The following ADCY9 variants were observed in gnomAD, a reference collection of about 807,000 sequenced individuals.
ADCY9 encodes adenylate cyclase type 9.
A neutral mutation model predicts 101.5 loss-of-function variants in ADCY9; 50 were observed. That is an observed-to-expected ratio of 0.49 (90% CI 0.39 to 0.62). The LOEUF (loss-of-function observed/expected upper bound fraction) is 0.62, where lower values mean the gene tolerates loss of function less well. Ranked by LOEUF, ADCY9 falls within the 20% of genes least tolerant of loss-of-function variation. The pLI, the probability that ADCY9 is intolerant of heterozygous loss-of-function variation, is 0.00. For missense variants in ADCY9, 1,662 were observed against 1,800.4 expected (o/e 0.92, Z 1.39); for synonymous variants, 905 against 769.3 (o/e 1.18, Z -2.92).
chr16:3,980,056 C>T (rs1227706882), intron 7 of ADCY9, among the ~76,000 whole-genome samples: 2 of 152,278 alleles, frequency 1.3e-5, no homozygotes, highest in Non-Finnish European at 2.9e-5. Flanking sequence ...CAAACCCGCA[C>T]ACGCGTGCCG....
chr16:4,028,440 T>A (rs2056532279), intron 2 of ADCY9, among the ~76,000 whole-genome samples: 1 of 152,178 alleles, frequency 6.6e-6, no homozygotes, highest in Non-Finnish European at 1.5e-5. Flanking sequence ...AAATACTTGA[T>A]CTGTGCTACA....
chr16:3,967,536 T>A (rs1319512824), intron 10 of ADCY9, among the ~76,000 whole-genome samples: 1 of 151,704 alleles, frequency 6.6e-6, no homozygotes, highest in African/African-American at 2.4e-5. Flanking sequence ...ATTACACGCA[T>A]GTACCACCAC....
intron 2 of ADCY9, among the ~76,000 whole-genome samples, chr16:4,086,081 G>A (rs902792257): frequency 6.6e-6 from 1 of 152,032 alleles, no homozygotes; most frequent in Non-Finnish European, 1.5e-5. Flanking sequence ...ACGGCCGCGC[G>A]GAGAGCACCA....
chr16:4,096,025 C>G (rs1367846834), intron 2 of ADCY9, among the ~76,000 whole-genome samples: 1 of 151,352 alleles, frequency 6.6e-6, no homozygotes, highest in East Asian at 1.9e-4. Flanking sequence ...TAACGATACC[C>G]TGCTTTATTC....
chr16:4,002,515 T>C (rs1357083583), intron 3 of ADCY9, among the ~76,000 whole-genome samples: 1 of 152,146 alleles, frequency 6.6e-6, no homozygotes, highest in Non-Finnish European at 1.5e-5. Context: ...TCTACATCAC[T>C]AGCTTCATTA....
intron 2 of ADCY9, among the ~76,000 whole-genome samples, chr16:4,027,545 AAGAG>A (rs946667036): frequency 2.6e-5 from 4 of 152,198 alleles, no homozygotes; most frequent in Admixed American, 6.5e-5. Context: ...GACGGCAGGG[AAGAG>A]AGAGAGTGTG....
chr16:4,115,480 C>A lies in ADCY9; in HGVS notation c.-38G>T. 6.8e-7 allele frequency: 1 copy of A among 1,480,944 alleles called. No homozygotes were observed. The highest frequency in any genetic ancestry group is 9.0e-7 in the Non-Finnish European group (1 of 1,116,428). 91.7% of individuals were successfully genotyped at this position (1,480,944 alleles called of 1,614,324 possible). ...CGGGGCCTGCCCCGGCCGGGGTCAC[C>A]AGTACCTGCCAGCAAAACGGGGAGA... is the stretch of plus-strand genomic sequence containing the variant. On this transcript the variant is annotated 5_prime_UTR_variant, in exon 2 of 11. Coordinates refer to ENST00000294016, the MANE Select transcript of ADCY9 (RefSeq NM_001116.4). This position sits in a 1 kb window ranked among gnomAD's most constrained non-coding sequence, Gnocchi z 6.2.
At chr16:3,976,457 T>TC (rs2056093272) in intron 9 of ADCY9, among the ~76,000 whole-genome samples, 1 of 152,134 alleles carries the variant, frequency 6.6e-6, no homozygotes, top group South Asian at 2.1e-4. Flanking sequence ...ACTGGGCTTG[T>TC]CCCCAGAGGT....
chr16:4,073,398 C>CTT (rs35147648), intron 2 of ADCY9, among the ~76,000 whole-genome samples: 3 of 141,704 alleles, frequency 2.1e-5, no homozygotes, highest in African/African-American at 2.6e-5. Context: ...TCTTTAAAAA[C>CTT]TTTTTTTTTT....
At chr16:3,954,611 A>G (rs1228524624) in intron 5 of ADCY9, among the ~76,000 whole-genome samples, 3 of 152,186 alleles carry the variant, frequency 2.0e-5, no homozygotes, top group Admixed American at 2.0e-4. Context: ...GAAACGGAAC[A>G]CGAGGTTCAC....
intron 2 of ADCY9, among the ~76,000 whole-genome samples, chr16:4,089,556 TG>T (rs2056960563): frequency 6.6e-6 from 1 of 152,014 alleles, no homozygotes; most frequent in South Asian, 2.1e-4. Context: ...AGTTTTTGTG[TG>T]GATGTGTGTT....
In ADCY9 at chr16:3,985,456, C is replaced by A. The variant is rs369543809; in HGVS notation, c.2311-2016G>T. 5.8e-4 allele frequency among the ~76,000 whole-genome samples: 88 copies of A among 152,220 alleles called. 3 individuals carry two copies. The South Asian group carries it at 0.018, about 31-fold the overall frequency. ...CGGCCAGGTGTAGGAATTTCAGGGGCGACACTGCCCATGCCCACTCACCTT... is the reference window on the plus strand; with the variant it reads ...CGGCCAGGTGTAGGAATTTCAGGGGAGACACTGCCCATGCCCACTCACCTT... On this transcript the variant is annotated intron_variant, in intron 6 of 10. Coordinates refer to ENST00000294016, the MANE Select transcript of ADCY9 (RefSeq NM_001116.4).
chr16:4,026,507 A>T (rs997145500), intron 2 of ADCY9, among the ~76,000 whole-genome samples: 5 of 152,152 alleles, frequency 3.3e-5, no homozygotes, highest in African/African-American at 9.7e-5. Flanking sequence ...CCCTAGAGAA[A>T]TCAAACCTTA....
At chr16:4,088,467 T>C (rs1193232105) in intron 2 of ADCY9, among the ~76,000 whole-genome samples, 2 of 152,078 alleles carry the variant, frequency 1.3e-5, no homozygotes, top group Non-Finnish European at 2.9e-5. Flanking sequence ...AGTTTTTGCA[T>C]TTTGCAGCGA....
intron 10 of ADCY9, among the ~76,000 whole-genome samples, chr16:3,970,488 G>A (rs1257982448): frequency 1.3e-5 from 2 of 151,996 alleles, no homozygotes; most frequent in African/African-American, 4.8e-5. Context: ...CACCATACTT[G>A]GCTAATTTTT....
chr16:3,969,584 ATATATATATATATATATATATATATG>A (rs1428985423), intron 10 of ADCY9, among the ~76,000 whole-genome samples: 9 of 77,768 alleles, frequency 1.2e-4, no homozygotes, highest in African/African-American at 2.0e-4. Flanking sequence ...ATATATATAT[ATATATATATATATATATATATATATG>A]TATTTTTTTT....
At position 3,988,886 on chromosome 16, in the gene ADCY9, T is replaced by C. The variant is rs575693959; in HGVS notation, c.2310+108A>G. 2.8e-5 allele frequency: 23 copies of C among 833,480 alleles called. 1 individual carries two copies. In the African/African-American group the frequency reaches 3.4e-4, roughly 12 times the overall value. 51.6% of individuals were successfully genotyped at this position (833,480 alleles called of 1,614,324 possible). On this transcript the variant is annotated intron_variant, in intron 6 of 10. Transcript: ENST00000294016. ...TTTACAGAGTGTGGGAAATCAATGTTCGCCTTCGTGTTCCCATCCCTTGGT... is the reference window on the plus strand; with the variant it reads ...TTTACAGAGTGTGGGAAATCAATGTCCGCCTTCGTGTTCCCATCCCTTGGT...
At chr16:3,960,965 C>T (rs543013341), downstream of ADCY9, among the ~76,000 whole-genome samples, 75 of 152,096 alleles carry the variant, frequency 4.9e-4, no homozygotes, top group African/African-American at 1.6e-3. Flanking sequence ...TCCCAGTACG[C>T]GGGATCTATT....
At chr16:3,974,777 G>T in intron 9 of ADCY9, 67 bp from the exon 10 acceptor site, 1 of 1,295,788 alleles carries the variant, frequency 7.7e-7, no homozygotes, top group South Asian at 1.2e-5. Context: ...GGCAACCTGA[G>T]AAGAGCTTGA....
Sources: allele counts gnomAD v4.1 joint callset (sites outside exome capture counted in the v4.1 genomes callset), GRCh38; gene constraint gnomAD v4.1.1; non-coding constraint Gnocchi (gnomAD v3.1); transcripts MANE v1.5; gene names NCBI Gene and HGNC (gene_info 2026-07-23, HGNC 2026-07-21).